NEK1: variants seen among roughly 807,000 people sequenced by gnomAD.
NEK1 encodes serine/threonine-protein kinase Nek1.
In NEK1, 137 loss-of-function variants were observed where a neutral mutation model predicts 182.1. The ratio of observed to expected loss-of-function variants is 0.75; its 90% CI spans 0.65 to 0.87. The LOEUF is 0.87. NEK1 is among the 40% of genes least tolerant of loss of function. The probability of loss-of-function intolerance (pLI) is 0.00; values close to 1 mark genes in which losing one functional copy is unlikely to be tolerated. For synonymous variants in NEK1, 513 were observed against 492.2 expected, an observed-to-expected ratio of 1.04 and a Z score of -0.56; for missense variants, 1,391 against 1,494.4, an observed-to-expected ratio of 0.93 and a Z score of 1.14.
chr4:169,462,375 T>C (rs1052123480), intron 27 of NEK1, among the ~76,000 whole-genome samples: 2 of 152,164 alleles, frequency 1.3e-5, no homozygotes, highest in Non-Finnish European at 2.9e-5. Context: ...ATACACTTTT[T>C]GCCTTTTTTG....
At chr4:169,437,945 TA>T in intron 28 of NEK1, 137 bp downstream of exon 28, 2 of 672,414 alleles carry the variant, frequency 3.0e-6, no homozygotes, top group Non-Finnish European at 4.6e-6. Context: ...GACCAATAGC[TA>T]AAAATATAAA....
intron 10 of NEK1, among the ~76,000 whole-genome samples, chr4:169,582,465 G>A (rs1019745168): frequency 6.6e-6 from 1 of 152,128 alleles, no homozygotes; most frequent in African/African-American, 2.4e-5. Context: ...TTCACTAGTG[G>A]ACAAATGTTA....
intron 31 of NEK1, among the ~76,000 whole-genome samples, chr4:169,412,242 A>T (rs930748982): frequency 6.6e-6 from 1 of 152,216 alleles, no homozygotes; most frequent in Non-Finnish European, 1.5e-5. Flanking sequence ...ACTTGTGAGG[A>T]CAACCAAACA....
chr4:169,489,542 A>G (rs945178454), intron 23 of NEK1, among the ~76,000 whole-genome samples: 4 of 152,082 alleles, frequency 2.6e-5, no homozygotes, highest in Non-Finnish European at 5.9e-5. Flanking sequence ...CCCTTCCCCA[A>G]TGCCTAAGTC....
intron 28 of NEK1, among the ~76,000 whole-genome samples, chr4:169,434,366 C>A (rs1285989517): frequency 6.6e-6 from 1 of 152,064 alleles, no homozygotes; most frequent in East Asian, 1.9e-4. Context: ...GCACACACTA[C>A]CACACCAGGC....
At chr4:169,505,101 T>C (rs1030568794) in intron 23 of NEK1, among the ~76,000 whole-genome samples, 4 of 152,156 alleles carry the variant, frequency 2.6e-5, no homozygotes, top group African/African-American at 7.2e-5. Flanking sequence ...GACTTCAACA[T>C]TGGGCAGATC....
chr4:169,419,488 C>T (rs1330260414), intron 31 of NEK1, among the ~76,000 whole-genome samples: 2 of 152,050 alleles, frequency 1.3e-5, no homozygotes, highest in Non-Finnish European at 2.9e-5. Context: ...AAATACTTTC[C>T]AATTTCTGAC....
At chr4:169,411,886 C>G (rs924855073) in intron 31 of NEK1, among the ~76,000 whole-genome samples, 1 of 152,122 alleles carries the variant, frequency 6.6e-6, no homozygotes, top group African/African-American at 2.4e-5. Flanking sequence ...GGCATGTATC[C>G]CAGCCAGGAG....
At chr4:169,581,300 C>T (rs1488748558) in intron 10 of NEK1, among the ~76,000 whole-genome samples, 1 of 152,146 alleles carries the variant, frequency 6.6e-6, no homozygotes, top group Admixed American at 6.5e-5. Flanking sequence ...CAGGGTCTCA[C>T]TTTGTTGCTC....
intron 5 of NEK1, among the ~76,000 whole-genome samples, 160 bp from the exon 6 acceptor site, chr4:169,590,969 C>G (rs1196766732): frequency 3.9e-5 from 6 of 152,174 alleles, no homozygotes; most frequent in Admixed American, 6.5e-5. Context: ...CAAGTCAACA[C>G]AAGCTCTGCA....
At chr4:169,500,242 G>A (rs373845197) in intron 23 of NEK1, among the ~76,000 whole-genome samples, 29 of 152,302 alleles carry the variant, frequency 1.9e-4, no homozygotes, top group African/African-American at 5.5e-4. Flanking sequence ...TGCTAAGACC[G>A]TTGGAAAATC....
At chr4:169,527,349 T>G (rs1757037079) in intron 19 of NEK1, among the ~76,000 whole-genome samples, 1 of 152,078 alleles carries the variant, frequency 6.6e-6, no homozygotes, top group Admixed American at 6.6e-5. Flanking sequence ...GAAGAAAACT[T>G]GAAACATTAG....
At chr4:169,481,130 G>C (rs940633925) in intron 23 of NEK1, among the ~76,000 whole-genome samples, 10 of 152,158 alleles carry the variant, frequency 6.6e-5, no homozygotes, top group Admixed American at 4.6e-4. Flanking sequence ...TCATGAGATT[G>C]TAGCAATTCA....
intron 16 of NEK1, among the ~76,000 whole-genome samples, chr4:169,561,155 C>T (rs1039281523): frequency 1.3e-5 from 2 of 152,058 alleles, no homozygotes; most frequent in Non-Finnish European, 2.9e-5. Context: ...ATCTTCAAGG[C>T]TACATGAAAT....
intron 19 of NEK1, among the ~76,000 whole-genome samples, chr4:169,521,250 G>C (rs1404896013): frequency 1.3e-4 from 9 of 68,508 alleles, no homozygotes; most frequent in African/African-American, 5.0e-4. Flanking sequence ...ACAATATTCG[G>C]GTGGGAGTGA....
At chr4:169,523,636 C>T (rs1347103261) in intron 19 of NEK1, among the ~76,000 whole-genome samples, 5 of 152,158 alleles carry the variant, frequency 3.3e-5, no homozygotes, top group African/African-American at 4.8e-5. Context: ...GTGTTGTTGA[C>T]GCCATTTAGT....
At chr4:169,407,632 T>G (rs1366057225) in intron 31 of NEK1, among the ~76,000 whole-genome samples, 1 of 152,194 alleles carries the variant, frequency 6.6e-6, no homozygotes, top group Admixed American at 6.5e-5. Flanking sequence ...CTTTCAACAA[T>G]TAGAATGTGA....
intron 32 of NEK1, among the ~76,000 whole-genome samples, chr4:169,404,920 C>A (rs1373057177): frequency 2.0e-5 from 3 of 152,044 alleles, no homozygotes; most frequent in African/African-American, 7.2e-5. Context: ...ACAAAGAAAG[C>A]AATTTTGTGA....
At chr4:169,491,105 T>C (rs1355996884) in intron 23 of NEK1, among the ~76,000 whole-genome samples, 1 of 115,940 alleles carries the variant, frequency 8.6e-6, no homozygotes, top group East Asian at 2.9e-4. Flanking sequence ...ATTACGTCAC[T>C]GCACTCCAGC....
Sources: allele counts gnomAD v4.1 joint callset (sites outside exome capture counted in the v4.1 genomes callset), GRCh38; gene constraint gnomAD v4.1.1; transcripts MANE v1.5; gene names NCBI Gene and HGNC (gene_info 2026-07-23, HGNC 2026-07-21).